B4GALT6: variants seen among roughly 807,000 people sequenced by gnomAD.
B4GALT6 encodes the protein beta-1,4-galactosyltransferase 6, also known as UDP-Gal:beta-GlcNAc beta-1,4-galactosyltransferase 6.
A neutral mutation model predicts 46.3 loss-of-function variants in B4GALT6; 14 were observed. That is an observed-to-expected ratio of 0.30 (90% CI 0.20 to 0.47). The LOEUF (loss-of-function observed/expected upper bound fraction) is 0.47. Ranked by LOEUF, B4GALT6 falls within the 20% of genes least tolerant of loss-of-function variation. B4GALT6 has a pLI of 0.99. For missense variants in B4GALT6, 386 were observed against 480.1 expected, an observed-to-expected ratio of 0.80 and a Z score of 1.83; for synonymous variants, 168 against 162.0, an observed-to-expected ratio of 1.04 and a Z score of -0.28.
Position 31,626,341 on chromosome 18 carries a change from A to G in B4GALT6, c.943T>C (p.Leu315=), listed in dbSNP as rs144875039. 74 of 1,608,920 alleles carry G rather than the reference A, an allele frequency of 4.6e-5. No individual in the cohort carries two copies. The highest frequency in any genetic ancestry group is 5.9e-5 in the Non-Finnish European group (70 of 1,176,568). Residue 315 remains leucine (L), a synonymous_variant, in exon 8 of 9, where the codon TTA becomes CTA. Transcript: ENST00000306851. ...TGAGGAATTGACTTGTATTTTCCTA[A>G]GTCTCCCTCTGGTCTGGTTACATTA... ...GYNVTRPEGD[L]GKYKSIPHHH...
chr18:31,638,415 T>G (rs1041645580), intron 5 of B4GALT6, among the ~76,000 whole-genome samples: 1 of 152,020 alleles, frequency 6.6e-6, no homozygotes, highest in Non-Finnish European at 1.5e-5. Flanking sequence ...TAGTCCCAGC[T>G]ACTTGGGAGG....
chr18:31,724,292 G>T, the B4GALT6 span: 969 of 443,280 alleles, frequency 2.2e-3, 6 homozygotes, highest in African/African-American at 0.019. Flanking sequence ...GGGCCCCACG[G>T]GCCCCTCCTC....
intron 2 of B4GALT6, chr18:31,658,321 C>A: frequency 2.9e-6 from 1 of 341,290 alleles, no homozygotes; most frequent in Non-Finnish European, 5.4e-6. Flanking sequence ...TCCTTGCACA[C>A]AGACATGGCA....
the B4GALT6 span, among the ~76,000 whole-genome samples, chr18:31,703,124 A>T: frequency 6.6e-6 from 1 of 152,156 alleles, no homozygotes; most frequent in Non-Finnish European, 1.5e-5. Flanking sequence ...TTCTTTTAGA[A>T]GGGAAACTCT....
rs770303733 is a variant in B4GALT6 at position 31,658,003 on chromosome 18, G to A, written c.319C>T (p.Pro107Ser). ...ATATAAGGCAGCTTTTCTGGACAGG[G>A]GAGGTATGGTGAGTATGTGAAGTTT... ...PENFTYSPYL[P>S]CPEKLPYMRG... is the part of the protein sequence containing the mutation. The change falls in exon 3 of 9, where the codon CCC becomes TCC. Residue 107 changes from proline to serine, a missense_variant. Physicochemically the swap from Pro to Ser is moderately conservative, Grantham distance 74. This residue lies in a region of B4GALT6 where 323 missense variants were observed against 438.9 expected (regional missense o/e 0.74). Transcript: ENST00000306851. The A allele has an allele frequency of 4.3e-6, 7 of 1,613,730 alleles. No homozygotes were observed. In the Admixed American group the frequency reaches 1.2e-4, roughly 27 times the overall value.
At chr18:31,650,278 C>T (rs775903806) in intron 3 of B4GALT6, among the ~76,000 whole-genome samples, 1 of 152,246 alleles carries the variant, frequency 6.6e-6, no homozygotes, top group Non-Finnish European at 1.5e-5. Context: ...GTCAAAGTTT[C>T]TGTGTCAGTT....
chr18:31,671,634 T>C (rs1202476041), intron 1 of B4GALT6, among the ~76,000 whole-genome samples: 1 of 152,242 alleles, frequency 6.6e-6, no homozygotes. Flanking sequence ...TTCTGGATAT[T>C]AGCCCTTTGT....
intron 1 of B4GALT6, among the ~76,000 whole-genome samples, chr18:31,678,519 C>T (rs561095995): frequency 3.9e-5 from 6 of 152,322 alleles, no homozygotes; most frequent in South Asian, 2.1e-4. Flanking sequence ...TCCTTCAACT[C>T]GGGCACAGTA....
intron 3 of B4GALT6, among the ~76,000 whole-genome samples, chr18:31,654,177 T>C (rs1245431875): frequency 6.6e-6 from 1 of 152,218 alleles, no homozygotes; most frequent in Non-Finnish European, 1.5e-5. Flanking sequence ...TGCAAACGTA[T>C]TCTATTTGAA....
Position 31,638,685 on chromosome 18 carries a change from G to T in B4GALT6, c.547C>A (p.Gln183Lys). 1.2e-6 allele frequency: 2 copies of T among 1,614,014 alleles called. No homozygotes were observed. Among genetic ancestry groups the T allele is most frequent in the Non-Finnish European group, 1.7e-6 (2 of 1,179,976 alleles). The change falls in exon 5 of 9, where the codon CAG becomes AAG. Residue 183 changes from glutamine (Q) to lysine (K), a missense_variant. Gln to Lys is a moderately conservative substitution (Grantham distance 53). Transcript: ENST00000306851. The part of the protein sequence containing the change: ...IFFLHLIPML[Q>K]KQRLEFAFYV... ...AACGCAAATTCCAGCCGCTGCTTCT[G>T]GAGCATTGGAATCAGATGTAAGAAA... is the stretch of plus-strand genomic sequence containing the variant.
chr18:31,706,588 G>A, the B4GALT6 span, among the ~76,000 whole-genome samples: 6 of 151,958 alleles, frequency 3.9e-5, no homozygotes, highest in Admixed American at 2.0e-4. Context: ...CTGAGATGGC[G>A]CCACTGCACT....
intron 3 of B4GALT6, among the ~76,000 whole-genome samples, chr18:31,653,350 TTCTGATGACACCTCTC>T (rs1250676817): frequency 6.6e-6 from 1 of 152,102 alleles, no homozygotes; most frequent in African/African-American, 2.4e-5. Flanking sequence ...TAAGACCCAG[TTCTGATGACACCTCTC>T]TCTGACATCG....
chr18:31,661,399 CTG>C lies in B4GALT6; in HGVS notation c.233-3312_233-3311del, dbSNP rs150624740. The stretch of plus-strand genomic sequence containing the variant: ...ACTCAGGGAGGAGTGAGCTAGGAGA[CTG>C]TTATTACATTATACCCTTTTCTACT... On this transcript the variant is annotated intron_variant, in intron 2 of 8. Coordinates refer to ENST00000306851, the MANE Select transcript of B4GALT6 (RefSeq NM_004775.5). 7.7e-3 allele frequency among the ~76,000 whole-genome samples: 1,169 copies of C among 152,260 alleles called. 15 individuals carry two copies. Among genetic ancestry groups the C allele is most frequent in the African/African-American group, 0.027 (1,123 of 41,538 alleles).
Position 31,662,296 on chromosome 18 carries a change from G to C in B4GALT6, c.232+3960C>G, listed in dbSNP as rs555805974. On this transcript the variant is annotated intron_variant, in intron 2 of 8. Coordinates refer to ENST00000306851, the MANE Select transcript of B4GALT6 (RefSeq NM_004775.5). ...AGCTCAACTCACTGCCAGACTTAGA[G>C]AAACACCTCCACACTCCTTCAGTAC... 3.3e-5 allele frequency among the ~76,000 whole-genome samples: 5 copies of C among 152,240 alleles called. No homozygotes were observed. In the South Asian group the frequency reaches 1.0e-3, roughly 32 times the overall value.
chr18:31,671,433 A>G (rs965934700), intron 1 of B4GALT6, among the ~76,000 whole-genome samples: 5 of 152,118 alleles, frequency 3.3e-5, no homozygotes, highest in African/African-American at 1.2e-4. Flanking sequence ...TTTAATGATC[A>G]CCACTGTAAC....
chr18:31,661,798 T>C (rs370105829), intron 2 of B4GALT6, among the ~76,000 whole-genome samples: 4 of 152,242 alleles, frequency 2.6e-5, no homozygotes, highest in Admixed American at 2.6e-4. Flanking sequence ...TCATCTGCCT[T>C]GAGACGTTAC....
At chr18:31,679,576 G>A (rs1427376997) in intron 1 of B4GALT6, among the ~76,000 whole-genome samples, 1 of 152,170 alleles carries the variant, frequency 6.6e-6, no homozygotes, top group Non-Finnish European at 1.5e-5. Context: ...AAGTCACACA[G>A]TGAGTCACTT....
intron 3 of B4GALT6, among the ~76,000 whole-genome samples, chr18:31,649,575 C>CAAAAAAAAAAAAAAAAAAAAAAGAAA (rs66578099): frequency 9.8e-6 from 1 of 102,410 alleles, no homozygotes; most frequent in Non-Finnish European, 2.1e-5. Flanking sequence ...AAAAAATGAG[C>CAAAAAAAAAAAAAAAAAAAAAAGAAA]AAAAAAAAAA....
Position 31,658,003 on chromosome 18 carries a change from G to T in B4GALT6, c.319C>A (p.Pro107Thr), listed in dbSNP as rs770303733. 9 of 1,613,620 alleles carry T rather than the reference G, an allele frequency of 5.6e-6. No homozygotes were observed. The African/African-American group carries it at 8.0e-5, about 14-fold the overall frequency. Reference sequence around the variant, plus strand: ...ATATAAGGCAGCTTTTCTGGACAGGGGAGGTATGGTGAGTATGTGAAGTTT... The same window carrying T: ...ATATAAGGCAGCTTTTCTGGACAGGTGAGGTATGGTGAGTATGTGAAGTTT... The part of the protein sequence containing the change: ...PENFTYSPYL[P>T]CPEKLPYMRG... The change falls in exon 3 of 9, where the codon CCC becomes ACC. Residue 107 changes from proline (P) to threonine (T), a missense_variant. By Grantham distance (38) the Pro-to-Thr change is conservative (BLOSUM62 -1). Transcript: ENST00000306851.
Sources: allele counts gnomAD v4.1 joint callset (sites outside exome capture counted in the v4.1 genomes callset), GRCh38; gene constraint gnomAD v4.1.1; regional missense constraint gnomAD v4.1.1; transcripts MANE v1.5; gene names NCBI Gene and HGNC (gene_info 2026-07-23, HGNC 2026-07-21).